Variants in PCDHA10 observed in about 807,000 individuals in gnomAD.
The protein encoded by PCDHA10 is protocadherin alpha-10.
PCDHA10 carries 45 observed loss-of-function variants against 61.2 expected under a neutral mutation model. That is an observed-to-expected ratio of 0.74 (90% CI 0.58 to 0.94). The LOEUF is 0.94. Among genes scored for constraint, PCDHA10 ranks in the 40% least tolerant of loss-of-function variants. PCDHA10 has a pLI of 0.00. For synonymous variants in PCDHA10, 602 were observed against 548.8 expected (o/e 1.10, Z -1.35); for missense variants, 1,278 against 1,236.2 (o/e 1.03, Z -0.51).
intron 1 of PCDHA10, chr5:140,877,824 A>G (rs1554170141): frequency 1.9e-6 from 3 of 1,602,118 alleles, no homozygotes; most frequent in Non-Finnish European, 2.6e-6. Flanking sequence ...AAGATTGTTT[A>G]AATCCTCCCA....
chr5:140,918,403 C>G (rs192008600), intron 1 of PCDHA10, among the ~76,000 whole-genome samples: 1 of 152,278 alleles, frequency 6.6e-6, no homozygotes, highest in African/African-American at 2.4e-5. Flanking sequence ...CCTGATTTCT[C>G]TGGCCAGGAC....
chr5:140,963,151 A>G (rs544176369), intron 1 of PCDHA10, among the ~76,000 whole-genome samples: 2 of 152,326 alleles, frequency 1.3e-5, no homozygotes, highest in South Asian at 4.1e-4. Context: ...ATGAATTTAA[A>G]AATGACACAT....
chr5:140,900,446 T>G (rs1344652526), intron 1 of PCDHA10, among the ~76,000 whole-genome samples: 1 of 152,154 alleles, frequency 6.6e-6, no homozygotes, highest in Non-Finnish European at 1.5e-5. Flanking sequence ...GCCGGCTAAT[T>G]TTTTATTTTT....
intron 1 of PCDHA10, chr5:140,882,711 C>T (rs1554175311): frequency 6.2e-7 from 1 of 1,614,160 alleles, no homozygotes; most frequent in Non-Finnish European, 8.5e-7. Context: ...TCTAGACCTC[C>T]GGAAACTCGA....
At chr5:140,877,992 A>G (rs572306139) in intron 1 of PCDHA10, 7 of 1,096,526 alleles carry the variant, frequency 6.4e-6, no homozygotes, top group Non-Finnish European at 8.6e-6. Flanking sequence ...TTGAACTTTT[A>G]TGTATTTGTC....
intron 1 of PCDHA10, among the ~76,000 whole-genome samples, chr5:140,955,110 T>C (rs915501300): frequency 7.2e-5 from 11 of 152,274 alleles, no homozygotes; most frequent in African/African-American, 2.6e-4. Flanking sequence ...TTCTGAGTTC[T>C]CTATTCTGTT....
chr5:140,900,840 T>A (rs6874218), intron 1 of PCDHA10, among the ~76,000 whole-genome samples: 3 of 151,950 alleles, frequency 2.0e-5, no homozygotes, highest in Non-Finnish European at 4.4e-5. Context: ...ATGTACAAAG[T>A]TTCCCTTTTT....
intron 3 of PCDHA10, among the ~76,000 whole-genome samples, chr5:140,995,361 G>C (rs567350687): frequency 1.1e-3 from 168 of 152,090 alleles, no homozygotes; most frequent in African/African-American, 3.4e-3. Flanking sequence ...TCGGACAGAG[G>C]GATGATTCAC....
chr5:140,857,619 A>C lies in PCDHA10; in HGVS notation c.1571A>C (p.His524Pro), dbSNP rs1554150364. The C allele has an allele frequency of 6.3e-7, 1 of 1,596,352 alleles. No individual in the cohort carries two copies. The highest frequency in any genetic ancestry group is 1.1e-5 in the South Asian group (1 of 90,484). Residue 524 changes from histidine to proline, a missense_variant, in exon 1 of 4, where the codon CAC becomes CCC. By Grantham distance (77) the His-to-Pro change is moderately conservative. Coordinates refer to ENST00000307360, the MANE Select transcript of PCDHA10 (RefSeq NM_018901.4). The stretch of plus-strand genomic sequence containing the variant: ...GTGTACGCGCTGCAGCCGCTGGACC[A>C]CGAGGAGCTGGAGCTGCTACAGTTC... Reference protein sequence around the residue: ...GKVYALQPLDHEELELLQFQV... With the variant: ...GKVYALQPLDPEELELLQFQV...
At chr5:140,922,139 C>T (rs2080663133) in intron 1 of PCDHA10, among the ~76,000 whole-genome samples, 1 of 151,854 alleles carries the variant, frequency 6.6e-6, no homozygotes, top group South Asian at 2.1e-4. Flanking sequence ...TCTTATCCTC[C>T]ATGAAACTCA....
At chr5:140,995,608 C>G (rs543938511) in intron 3 of PCDHA10, among the ~76,000 whole-genome samples, 1 of 152,206 alleles carries the variant, frequency 6.6e-6, no homozygotes, top group East Asian at 1.9e-4. Flanking sequence ...TTTCTTCTCC[C>G]AAACCAAATA....
intron 1 of PCDHA10, among the ~76,000 whole-genome samples, chr5:140,902,823 G>A (rs182466889): frequency 1.6e-3 from 246 of 151,864 alleles, no homozygotes; most frequent in Non-Finnish European, 2.9e-3. Flanking sequence ...TTTGGTTTTC[G>A]ATTTCTGAGT....
At chr5:140,911,021 G>A (rs1340465729) in intron 1 of PCDHA10, among the ~76,000 whole-genome samples, 2 of 152,066 alleles carry the variant, frequency 1.3e-5, no homozygotes, top group African/African-American at 4.8e-5. Context: ...CTTTAGTCTA[G>A]TTATAGGTCT....
chr5:140,899,162 C>T (rs1237064232), intron 1 of PCDHA10, among the ~76,000 whole-genome samples: 31 of 152,224 alleles, frequency 2.0e-4, no homozygotes, highest in African/African-American at 7.2e-4. Flanking sequence ...TTCCTCTTTT[C>T]CTAATTGAAT....
chr5:140,903,966 T>A (rs568850758), intron 1 of PCDHA10, among the ~76,000 whole-genome samples: 1 of 152,360 alleles, frequency 6.6e-6, no homozygotes, highest in Admixed American at 6.5e-5. Context: ...TTTGTTGATT[T>A]TTGGTCTATT....
At chr5:140,901,583 T>A (rs530803677) in intron 1 of PCDHA10, among the ~76,000 whole-genome samples, 6 of 152,222 alleles carry the variant, frequency 3.9e-5, no homozygotes, top group Non-Finnish European at 8.8e-5. Flanking sequence ...GCCAGTGCCA[T>A]GATGTTTTGG....
intron 1 of PCDHA10, among the ~76,000 whole-genome samples, chr5:140,934,086 G>C (rs540895208): frequency 1.3e-5 from 2 of 151,872 alleles, no homozygotes; most frequent in Admixed American, 1.3e-4. Context: ...TCGCTTTGTT[G>C]TATGTTTGCT....
intron 1 of PCDHA10, chr5:140,967,098 G>C: frequency 6.2e-7 from 1 of 1,613,130 alleles, no homozygotes; most frequent in Non-Finnish European, 8.5e-7. Flanking sequence ...GAGGCGCTGT[G>C]TGAGCAGCGG....
chr5:140,927,702 C>A lies in PCDHA10; in HGVS notation c.2389-51247C>A, dbSNP rs533775539. ...AAGGGTCCAATGGGGAAGTCCAGTACTCCCTAAGCAACAGCACGCAAGCAG... is the reference window on the plus strand; with the variant it reads ...AAGGGTCCAATGGGGAAGTCCAGTAATCCCTAAGCAACAGCACGCAAGCAG... On this transcript the variant is annotated intron_variant, in intron 1 of 3. Coordinates refer to ENST00000307360, the MANE Select transcript of PCDHA10 (RefSeq NM_018901.4). 6.8e-6 allele frequency: 11 copies of A among 1,614,092 alleles called. 1 individual carries two copies. The South Asian group carries it at 1.2e-4, about 18-fold the overall frequency.
Sources: gnomAD v4.1 joint callset for allele counts (sites outside exome capture counted in the v4.1 genomes callset) on GRCh38, gnomAD v4.1.1 for gene constraint, MANE v1.5 for transcripts, NCBI Gene and HGNC (gene_info 2026-07-23, HGNC 2026-07-21) for gene names.